The following TBCE variants were observed in gnomAD, a reference collection of about 807,000 sequenced individuals.
TBCE encodes the protein tubulin-specific chaperone E.
In TBCE, 53 loss-of-function variants were observed where a neutral mutation model predicts 77.0. The ratio of observed to expected loss-of-function variants is 0.69; its 90% CI spans 0.55 to 0.87. The LOEUF (loss-of-function observed/expected upper bound fraction) is 0.87, where lower values mean the gene tolerates loss of function less well. TBCE is among the 40% of genes least tolerant of loss of function. The pLI, the probability that TBCE is intolerant of heterozygous loss-of-function variation, is 0.00. For missense variants in TBCE, 624 were observed against 622.4 expected, an observed-to-expected ratio of 1.00 and a Z score of -0.03; for synonymous variants, 235 against 241.3, an observed-to-expected ratio of 0.97 and a Z score of 0.24.
At chr1:235,393,773 T>C (rs569443421) in intron 2 of TBCE, among the ~76,000 whole-genome samples, 2 of 152,304 alleles carry the variant, frequency 1.3e-5, no homozygotes, top group African/African-American at 4.8e-5. Flanking sequence ...TTTATCCTCC[T>C]ACAGAGCAAA....
In TBCE at chr1:235,438,777, C is replaced by G. The variant is rs762683460; in HGVS notation, c.1125C>G (p.Pro375=). Residue 375 remains proline, a synonymous_variant, in exon 13 of 17, where the codon CCC becomes CCG. Transcript: ENST00000642610. ...LKTLNKCEIL[P]EERRRAELDY... ...ATGTCACATGAACATAGATTCTCCC[C>G]GAGGAGAGGCGGAGAGCTGAGCTTG... 6.2e-7 allele frequency: 1 copy of G among 1,614,036 alleles called. No individual in the cohort carries two copies. Among genetic ancestry groups the G allele is most frequent in the South Asian group, 1.1e-5 (1 of 91,070 alleles).
At chr1:235,390,676 G>A (rs1241545610) in intron 2 of TBCE, among the ~76,000 whole-genome samples, 1 of 151,110 alleles carries the variant, frequency 6.6e-6, no homozygotes, top group African/African-American at 2.4e-5. Context: ...CAGGAGAATC[G>A]CTTGAACCTG....
Position 235,448,774 on chromosome 1 carries a change from T to C in TBCE, c.*12T>C. 4.4e-6 allele frequency: 7 copies of C among 1,583,980 alleles called. No homozygotes were observed. Among genetic ancestry groups the C allele is most frequent in the Non-Finnish European group, 6.1e-6 (7 of 1,153,128 alleles). On this transcript the variant is annotated 3_prime_UTR_variant, in exon 17 of 17. Transcript: ENST00000642610. ...TAGTGCGATGGTGACAACCAACTAATAAAATTTAAAGACCACACTGCTTAT... is the reference window on the plus strand; with the variant it reads ...TAGTGCGATGGTGACAACCAACTAACAAAATTTAAAGACCACACTGCTTAT...
intron 3 of TBCE, among the ~76,000 whole-genome samples, chr1:235,412,613 A>T (rs1414442569): frequency 6.6e-6 from 1 of 151,730 alleles, no homozygotes; most frequent in South Asian, 2.1e-4. Flanking sequence ...CACCCAGCCC[A>T]CACTCTCTAA....
At chr1:235,424,724 C>A (rs187502926) in intron 5 of TBCE, among the ~76,000 whole-genome samples, 1 of 151,984 alleles carries the variant, frequency 6.6e-6, no homozygotes, top group East Asian at 1.9e-4. Flanking sequence ...AGGCTGGTCT[C>A]GAACCCCCGA....
intron 5 of TBCE, among the ~76,000 whole-genome samples, chr1:235,426,218 C>T (rs1407601792): frequency 6.6e-6 from 1 of 152,206 alleles, no homozygotes; most frequent in African/African-American, 2.4e-5. Context: ...CTGCACCTAG[C>T]CCCTCACCTC....
rs193238566 is a variant in TBCE at position 235,402,976 on chromosome 1, C to A, written c.185+1389C>A. On this transcript the variant is annotated intron_variant, in intron 3 of 16. Transcript: ENST00000642610. ...GTCCTGAACAAGACAAGTTTACTAA[C>A]CTTTAAAATGAAGGTCAGAATTAGG... 4.5e-3 allele frequency among the ~76,000 whole-genome samples: 690 copies of A among 152,120 alleles called. 3 individuals are homozygous for A. The highest frequency in any genetic ancestry group is 7.7e-3 in the Non-Finnish European group (526 of 67,996).
rs1197681869 is a variant in TBCE, at chr1:235,405,184, ACCT to A, written c.185+3601_185+3603del. Reference sequence around the variant, plus strand: ...CGCCATGTTGGCCATTCTGGTCTCGACCTCCTGATCTCAGGTGATCTGCCTGCC... The same window carrying A: ...CGCCATGTTGGCCATTCTGGTCTCGACCTGATCTCAGGTGATCTGCCTGCC... On this transcript the variant is annotated intron_variant, in intron 3 of 16. Transcript: ENST00000642610. Among the ~76,000 whole-genome samples, 4 of 151,294 alleles carry A rather than the reference ACCT, an allele frequency of 2.6e-5. No individual in the cohort carries two copies. In the South Asian group the frequency reaches 8.4e-4, roughly 32 times the overall value.
At position 235,427,249 on chromosome 1, in the gene TBCE, C is replaced by G. The variant is rs1263372018; in HGVS notation, c.560+10C>G. On this transcript the variant is annotated intron_variant, in intron 6 of 16. Transcript: ENST00000642610. ...AAGTCCTTAATGTCAGGTATGAACT[C>G]TTGGTTGCTGAATCTTCATTAACAA... 3 of 1,577,432 alleles carry G rather than the reference C, an allele frequency of 1.9e-6. No homozygotes were observed. The African/African-American group carries it at 4.0e-5, about 21-fold the overall frequency.
Position 235,436,562 on chromosome 1 carries a change from T to C in TBCE, c.917T>C (p.Phe306Ser), listed in dbSNP as rs760902811. ...TTTATAGGGTGCAAAACGTCCATGTTCCCATCCTTGAAGTACCTGGTAGTA... is the reference window on the plus strand; with the variant it reads ...TTTATAGGGTGCAAAACGTCCATGTCCCCATCCTTGAAGTACCTGGTAGTA... ...DAGIGCKTSM[F>S]PSLKYLVVND... The change falls in exon 11 of 17, where the codon TTC becomes TCC. Residue 306 changes from phenylalanine (F) to serine (S), a missense_variant. By Grantham distance (155) the Phe-to-Ser change is radical. Transcript: ENST00000642610. 28 of 1,614,078 alleles carry C rather than the reference T, an allele frequency of 1.7e-5. No individual in the cohort carries two copies. Among genetic ancestry groups the C allele is most frequent in the Non-Finnish European group, 2.4e-5 (28 of 1,179,970 alleles).
intron 5 of TBCE, among the ~76,000 whole-genome samples, chr1:235,424,933 G>T (rs953035913): frequency 6.6e-6 from 1 of 152,144 alleles, no homozygotes; most frequent in Non-Finnish European, 1.5e-5. Flanking sequence ...GAGCCGCCGC[G>T]CCTGGCCTGG....
intron 2 of TBCE, among the ~76,000 whole-genome samples, chr1:235,392,441 G>A (rs900646832): frequency 7.7e-6 from 1 of 129,608 alleles, no homozygotes; most frequent in African/African-American, 2.9e-5. Context: ...ACAGAGTCTC[G>A]CTCTTGTTGC....
At chr1:235,367,987 C>T (rs547385642) in intron 1 of TBCE, among the ~76,000 whole-genome samples, 3 of 152,270 alleles carry the variant, frequency 2.0e-5, no homozygotes, top group African/African-American at 7.2e-5. Context: ...CTTACTGCAA[C>T]CTCCGCCTCC....
intron 13 of TBCE, among the ~76,000 whole-genome samples, chr1:235,439,352 C>T (rs529817205): frequency 1.2e-4 from 17 of 145,030 alleles, no homozygotes; most frequent in East Asian, 8.4e-4. Context: ...AAAAATGAGC[C>T]GGGCGTGGTG....
intron 2 of TBCE, among the ~76,000 whole-genome samples, chr1:235,392,592 G>T (rs1436688258): frequency 2.0e-5 from 3 of 151,074 alleles, no homozygotes; most frequent in Non-Finnish European, 4.4e-5. Flanking sequence ...TGTATTATTG[G>T]TAGAGATGGG....
chr1:235,418,891 A>G (rs1680242505), intron 4 of TBCE, among the ~76,000 whole-genome samples: 1 of 152,268 alleles, frequency 6.6e-6, no homozygotes, highest in South Asian at 2.1e-4. Context: ...TTAAGATTAA[A>G]TAAACACCAA....
chr1:235,421,086 G>A (rs1304459980), intron 5 of TBCE, among the ~76,000 whole-genome samples: 4 of 152,070 alleles, frequency 2.6e-5, no homozygotes, highest in Non-Finnish European at 5.9e-5. Flanking sequence ...TTTTTTGCCT[G>A]TAAGCAAAAA....
At chr1:235,407,086 C>A (rs978990661) in intron 3 of TBCE, among the ~76,000 whole-genome samples, 2 of 151,942 alleles carry the variant, frequency 1.3e-5, no homozygotes, top group Non-Finnish European at 2.9e-5. Flanking sequence ...GCCTTGGCCT[C>A]CCAAAGTGCT....
At chr1:235,423,129 A>T (rs1680494775) in intron 5 of TBCE, among the ~76,000 whole-genome samples, 1 of 151,888 alleles carries the variant, frequency 6.6e-6, no homozygotes, top group African/African-American at 2.4e-5. Context: ...TCTGTCTTTG[A>T]GGTTATTTAC....
Sources: gnomAD v4.1 joint callset for allele counts (sites outside exome capture counted in the v4.1 genomes callset) on GRCh38, gnomAD v4.1.1 for gene constraint, MANE v1.5 for transcripts, NCBI Gene and HGNC (gene_info 2026-07-23, HGNC 2026-07-21) for gene names.